Variants in TLE4 observed in about 807,000 individuals in gnomAD.
TLE4 encodes transducin-like enhancer protein 4.
In TLE4, 8 loss-of-function variants were observed where a neutral mutation model predicts 92.8. The observed-to-expected ratio is 0.09, with a 90% CI of 0.05 to 0.16. The LOEUF is 0.16. Among genes scored for constraint, TLE4 ranks in the 10% least tolerant of loss-of-function variants. The pLI, the probability that TLE4 is intolerant of heterozygous loss-of-function variation, is 1.00. For synonymous variants in TLE4, 371 were observed against 374.1 expected, an observed-to-expected ratio of 0.99 and a Z score of 0.10; for missense variants, 675 against 997.6, an observed-to-expected ratio of 0.68 and a Z score of 4.36.
At chr9:79,723,182 G>T in intron 19 of TLE4, 147 bp downstream of exon 19, 1 of 748,694 alleles carries the variant, frequency 1.3e-6, no homozygotes, top group South Asian at 1.9e-5. Flanking sequence ...TGTCCAAGGA[G>T]AGGTTAAGTG....
At chr9:79,668,911 T>C in intron 8 of TLE4, 1 of 808,218 alleles carries the variant, frequency 1.2e-6, no homozygotes, top group Non-Finnish European at 1.5e-6. Flanking sequence ...ATGATAATGC[T>C]GGCATTTTAT....
intron 5 of TLE4, among the ~76,000 whole-genome samples, chr9:79,613,156 C>T (rs2048747162): frequency 6.6e-6 from 1 of 152,096 alleles, no homozygotes; most frequent in Non-Finnish European, 1.5e-5. Flanking sequence ...AAGCTTTTGG[C>T]TAGCTACTTT....
At chr9:79,724,082 A>T (rs2076061819) in intron 19 of TLE4, among the ~76,000 whole-genome samples, 1 of 152,142 alleles carries the variant, frequency 6.6e-6, no homozygotes, top group African/African-American at 2.4e-5. Flanking sequence ...GTATGTTTTT[A>T]ACTGTTGAAC....
At chr9:79,707,309 A>G (rs2071905678) in intron 11 of TLE4, 1 of 1,051,392 alleles carries the variant, frequency 9.5e-7, no homozygotes, top group African/African-American at 1.6e-5. Flanking sequence ...TTCCCTTCCT[A>G]TCTAAAAAGT....
intron 8 of TLE4, among the ~76,000 whole-genome samples, chr9:79,657,400 T>A (rs912503764): frequency 5.3e-5 from 8 of 152,244 alleles, no homozygotes; most frequent in Non-Finnish European, 1.2e-4. Flanking sequence ...AGAAAAGTCG[T>A]AAGTGACACC....
intron 5 of TLE4, 151 bp from the exon 6 acceptor site, chr9:79,627,223 T>C (rs550264086): frequency 2.8e-6 from 2 of 727,252 alleles, no homozygotes; most frequent in South Asian, 3.2e-5. Flanking sequence ...AGACATCTAG[T>C]CATCCATCAC....
intron 8 of TLE4, among the ~76,000 whole-genome samples, chr9:79,665,260 G>A (rs1399755468): frequency 6.6e-6 from 1 of 152,184 alleles, no homozygotes; most frequent in Non-Finnish European, 1.5e-5. Flanking sequence ...TGAACTTGCA[G>A]TCCAAATAAA....
intron 5 of TLE4, among the ~76,000 whole-genome samples, chr9:79,615,181 T>A (rs2049246749): frequency 6.6e-6 from 1 of 152,164 alleles, no homozygotes; most frequent in African/African-American, 2.4e-5. Flanking sequence ...AGATGGACCA[T>A]AATCTGGAGG....
At chr9:79,572,930 C>A in intron 1 of TLE4, 95 bp downstream of exon 1, 1 of 1,317,400 alleles carries the variant, frequency 7.6e-7, no homozygotes, top group South Asian at 1.3e-5. Context: ...GCCGGAGGGG[C>A]GTGGAGAGCC....
At chr9:79,605,903 A>G (rs1273703671) in intron 4 of TLE4, among the ~76,000 whole-genome samples, 1 of 152,096 alleles carries the variant, frequency 6.6e-6, no homozygotes, top group East Asian at 1.9e-4. Context: ...TAGTAGAATC[A>G]TTGCTTTGGT....
chr9:79,725,346 T>C lies in TLE4; in HGVS notation c.*202T>C. On this transcript the variant is annotated 3_prime_UTR_variant, in exon 20 of 20. Transcript: ENST00000376552. ...CATTAAAAACCTGTGATACCAAATC[T>C]TCAGCTGTCTACTTGGAAGAACATG... The C allele has an allele frequency of 2.2e-6, 1 of 459,270 alleles. No individual in the cohort carries two copies. The highest frequency in any genetic ancestry group is 3.9e-6 in the Non-Finnish European group (1 of 253,814). 28.4% of individuals were successfully genotyped at this position (459,270 alleles called of 1,614,324 possible). A position where few individuals can be genotyped will look rare whatever the true frequency, so the allele number is the denominator to read the frequency against.
At chr9:79,720,380 GTGTGTGTGTGTGTGTGTGTGTGTGTGTGT>G in intron 16 of TLE4, 87 bp downstream of exon 16, 7 of 800,160 alleles carry the variant, frequency 8.7e-6, no homozygotes, top group Admixed American at 3.2e-5. Context: ...AGGTATGGGT[GTGTGTGTGTGTGTGTGTGTGTGTGTGTGT>G]GTGTGTGTGT....
chr9:79,610,940 C>A (rs2048227223), intron 4 of TLE4, among the ~76,000 whole-genome samples: 1 of 149,198 alleles, frequency 6.7e-6, no homozygotes. Context: ...TTTATGTAAA[C>A]AACATAATGA....
intron 8 of TLE4, among the ~76,000 whole-genome samples, chr9:79,661,084 A>G (rs1296749859): frequency 6.6e-6 from 1 of 152,148 alleles, no homozygotes; most frequent in East Asian, 1.9e-4. Context: ...AAATATTATA[A>G]CGTTTATAGT....
intron 4 of TLE4, among the ~76,000 whole-genome samples, chr9:79,600,895 G>A (rs1486695016): frequency 7.9e-5 from 12 of 152,102 alleles, no homozygotes; most frequent in Admixed American, 3.3e-4. Context: ...TAGTGATGCC[G>A]TCGCATGAGT....
chr9:79,576,919 G>C (rs1342163006), intron 4 of TLE4: 1 of 151,214 alleles, frequency 6.6e-6, no homozygotes, highest in Non-Finnish European at 1.5e-5. Context: ...CTAGACAGAA[G>C]AATAATAGCG....
chr9:79,653,923 T>A, intron 7 of TLE4, 136 bp from the exon 8 acceptor site: 1 of 1,001,858 alleles, frequency 1.0e-6, no homozygotes, highest in East Asian at 2.4e-5. Flanking sequence ...TACAGCACAG[T>A]TGACATCTGT....
chr9:79,618,959 T>C (rs1340390034), intron 5 of TLE4, among the ~76,000 whole-genome samples: 1 of 152,198 alleles, frequency 6.6e-6, no homozygotes, highest in Non-Finnish European at 1.5e-5. Context: ...TCCATTTTTA[T>C]ACTTATTTTA....
At chr9:79,679,822 G>C (rs1183712055) in intron 8 of TLE4, among the ~76,000 whole-genome samples, 1 of 152,064 alleles carries the variant, frequency 6.6e-6, no homozygotes, top group African/African-American at 2.4e-5. Flanking sequence ...TCCAGTTTCA[G>C]CTTTCTACAT....
Sources: allele counts gnomAD v4.1 joint callset (sites outside exome capture counted in the v4.1 genomes callset), GRCh38; gene constraint gnomAD v4.1.1; transcripts MANE v1.5; gene names NCBI Gene and HGNC (gene_info 2026-07-23, HGNC 2026-07-21).